Variants in PCDHA3 observed in about 807,000 individuals in gnomAD.
PCDHA3 encodes the protein protocadherin alpha 3, also known as protocadherin alpha-3.
Under a neutral mutation model 62.2 loss-of-function variants are expected in PCDHA3, and 41 were observed. The ratio of observed to expected loss-of-function variants is 0.66; its 90% confidence interval spans 0.51 to 0.86. The LOEUF (loss-of-function observed/expected upper bound fraction) is 0.86, where lower values mean the gene tolerates loss of function less well. Among genes scored for constraint, PCDHA3 ranks in the 40% least tolerant of loss-of-function variants. The pLI, the probability that PCDHA3 is intolerant of heterozygous loss-of-function variation, is 0.00. For synonymous variants in PCDHA3, 640 were observed against 555.4 expected (o/e 1.15, Z -2.14); for missense variants, 1,304 against 1,241.2 (o/e 1.05, Z -0.76).
intron 1 of PCDHA3, among the ~76,000 whole-genome samples, chr5:140,839,389 GAT>G (rs2150297251): frequency 1.3e-5 from 2 of 151,658 alleles, no homozygotes; most frequent in African/African-American, 4.9e-5. Flanking sequence ...TTATGATGAT[GAT>G]GATGATTATT....
rs139512124 is a variant in PCDHA3 at position 140,802,478 on chromosome 5, T to A, written c.1281T>A (p.Ala427=). The A allele has an allele frequency of 4.5e-4, 720 of 1,614,166 alleles. 5 individuals carry two copies. The East Asian group carries it at 0.012, about 27-fold the overall frequency. The change falls in exon 1 of 4, where the codon GCT becomes GCA. Residue 427 remains alanine, a synonymous_variant. Coordinates refer to ENST00000522353, the MANE Select transcript of PCDHA3 (RefSeq NM_018906.3). ...CGGCCTATGAGCTGGTGGTGACTGC[T>A]CGGGACGGGGGCTCGCCTTCACTGT... ...SVSAYELVVT[A]RDGGSPSLWA... is the part of the protein sequence containing the mutation.
chr5:140,858,198 C>G, intron 1 of PCDHA3: 1 of 1,597,410 alleles, frequency 6.3e-7, no homozygotes, highest in Admixed American at 1.7e-5. Flanking sequence ...CTGCTGTACA[C>G]TGCACTGAGG....
In PCDHA3 at chr5:140,803,436, A is replaced by AGC; in HGVS notation, c.2240_2241dup (p.Trp748AlafsTer66). ...GCTGGTGTGCTCCAGCGCGGTGGGG[A>AGC]GCTGGTCATACTCGCAGCAGAGGCA... is the stretch of plus-strand genomic sequence containing the variant. On this transcript the variant is annotated frameshift_variant, in exon 1 of 4. Transcript: ENST00000522353. LOFTEE classifies it high-confidence loss of function. 6.2e-7 allele frequency: 1 copy of AGC among 1,614,048 alleles called. No individual in the cohort carries two copies. The highest frequency in any genetic ancestry group is 8.5e-7 in the Non-Finnish European group (1 of 1,180,006).
chr5:140,938,560 C>T (rs2092118397), intron 1 of PCDHA3, among the ~76,000 whole-genome samples: 1 of 143,272 alleles, frequency 7.0e-6, no homozygotes, highest in Non-Finnish European at 1.5e-5. Flanking sequence ...TTATTAATAG[C>T]ATGCATTATA....
Position 140,858,511 on chromosome 5 carries a change from G to A in PCDHA3, c.2394+54920G>A. ...TCTCTTACCGCATTTTCTCAAATAT[G>A]TATCAGAATATTTCATTTTTGTCTA... On this transcript the variant is annotated intron_variant, in intron 1 of 3. Transcript: ENST00000522353. 5 of 1,433,712 alleles carry A rather than the reference G, an allele frequency of 3.5e-6. 1 individual carries two copies. The highest frequency in any genetic ancestry group is 4.8e-6 in the Non-Finnish European group (5 of 1,040,150). 88.8% of individuals were successfully genotyped at this position (1,433,712 alleles called of 1,614,324 possible).
chr5:140,977,514 A>G (rs1554238605), intron 1 of PCDHA3, among the ~76,000 whole-genome samples: 13 of 152,216 alleles, frequency 8.5e-5, no homozygotes. Context: ...CATTTTGTGA[A>G]CTTGAAAACA....
chr5:140,805,806 A>C (rs1763633880), intron 1 of PCDHA3, among the ~76,000 whole-genome samples: 1 of 152,180 alleles, frequency 6.6e-6, no homozygotes, highest in Non-Finnish European at 1.5e-5. Flanking sequence ...AGAAAATCAT[A>C]GAGGCTATTG....
chr5:140,842,944 C>A (rs1165034372), intron 1 of PCDHA3: 1 of 1,594,432 alleles, frequency 6.3e-7, no homozygotes, highest in African/African-American at 1.3e-5. Flanking sequence ...GCGACGCGGG[C>A]GTGCCGCCTC....
At chr5:140,926,340 C>G (rs2083154977) in intron 1 of PCDHA3, 1 of 152,400 alleles carries the variant, frequency 6.6e-6, no homozygotes, top group Non-Finnish European at 1.5e-5. Flanking sequence ...GCGCCGGGAC[C>G]CGACGCGCGG....
rs139214405 is a variant in PCDHA3, at chr5:140,927,269, C to A, written c.2395-51680C>A. The A allele has an allele frequency of 2.4e-5, 38 of 1,614,024 alleles. No individual in the cohort carries two copies. In the African/African-American group the frequency reaches 3.9e-4, roughly 16 times the overall value. On this transcript the variant is annotated intron_variant, in intron 1 of 3. Transcript: ENST00000522353. ...AATGACAACTCACCTCTCTTTCCTG[C>A]CGGCGACGTGCAGCTGCACATCCCC...
chr5:140,832,741 C>A (rs1477110560), intron 1 of PCDHA3, among the ~76,000 whole-genome samples: 1 of 152,038 alleles, frequency 6.6e-6, no homozygotes, highest in Non-Finnish European at 1.5e-5. Flanking sequence ...TACATAAATA[C>A]GATGATAGTA....
In PCDHA3 at chr5:140,857,247, A is replaced by T. The variant is rs140390466; in HGVS notation, c.2394+53656A>T. 1.3e-4 allele frequency: 206 copies of T among 1,598,558 alleles called. 15 individuals carry two copies. The African/African-American group carries it at 2.2e-3, about 17-fold the overall frequency. On this transcript the variant is annotated intron_variant, in intron 1 of 3. Transcript: ENST00000522353. The stretch of plus-strand genomic sequence containing the variant: ...GTTCCGTTCAAGCTGGTGTCCACCT[A>T]CAAGAATTACTACTCATTGGTGCTG...
intron 1 of PCDHA3, chr5:140,808,714 G>A (rs782290145): frequency 3.7e-6 from 6 of 1,612,100 alleles, no homozygotes; most frequent in African/African-American, 1.3e-5. Context: ...GCTACGTTTC[G>A]GTGCATGCGG....
intron 1 of PCDHA3, chr5:140,876,644 C>G: frequency 2.5e-6 from 4 of 1,614,200 alleles, no homozygotes; most frequent in Non-Finnish European, 3.4e-6. Context: ...TCACTGACAC[C>G]TCATGTTCCC....
At chr5:140,934,363 T>C (rs1354531260) in intron 1 of PCDHA3, among the ~76,000 whole-genome samples, 3 of 152,170 alleles carry the variant, frequency 2.0e-5, no homozygotes, top group African/African-American at 7.2e-5. Context: ...GCCACTGCTT[T>C]GACTCCTTCT....
chr5:140,834,243 A>T, intron 1 of PCDHA3: 1 of 838,028 alleles, frequency 1.2e-6, no homozygotes, highest in Non-Finnish European at 1.9e-6. Context: ...TCCTTTTCGC[A>T]CTGGAAAGAC....
At chr5:140,870,860 C>A (rs782404408) in intron 1 of PCDHA3, 6 of 1,613,882 alleles carry the variant, frequency 3.7e-6, no homozygotes, top group Non-Finnish European at 2.5e-6. Context: ...TCGGTGGGTG[C>A]GGGCCACGTG....
chr5:140,868,468 TA>T (rs2050485574), intron 1 of PCDHA3: 1 of 152,446 alleles, frequency 6.6e-6, no homozygotes, highest in Non-Finnish European at 1.5e-5. Flanking sequence ...GCTGCTTTTA[TA>T]AAACTTCAAT....
chr5:140,850,318 C>T lies in PCDHA3; in HGVS notation c.2394+46727C>T, dbSNP rs1306863704. On this transcript the variant is annotated intron_variant, in intron 1 of 3. Transcript: ENST00000522353. ...GACTCGGGCTACAACGCGTGGCTTT[C>T]ATACGAGCTGCAGCCAGAAACGGCC... The T allele has an allele frequency of 4.4e-6, 7 of 1,597,384 alleles. 1 individual carries two copies. In the African/African-American group the frequency reaches 5.4e-5, roughly 12 times the overall value.
Sources: allele counts gnomAD v4.1 joint callset (sites outside exome capture counted in the v4.1 genomes callset), GRCh38; gene constraint gnomAD v4.1.1; transcripts MANE v1.5; gene names NCBI Gene and HGNC (gene_info 2026-07-23, HGNC 2026-07-21).